Variants in SPATS2L observed in about 807,000 individuals in gnomAD.
SPATS2L encodes spermatogenesis associated serine rich 2 like.
In SPATS2L, 30 loss-of-function variants were observed where a neutral mutation model predicts 59.6. The observed-to-expected ratio is 0.50, with a 90% confidence interval of 0.38 to 0.68. SPATS2L has a LOEUF of 0.68. Ranked by LOEUF, SPATS2L falls within the 30% of genes least tolerant of loss-of-function variation. The pLI, the probability that SPATS2L is intolerant of heterozygous loss-of-function variation, is 0.00. For synonymous variants in SPATS2L, 252 were observed against 263.5 expected (o/e 0.96, Z 0.42); for missense variants, 615 against 700.0 (o/e 0.88, Z 1.37).
chr2:200,354,999 G>A (rs1259919549), intron 2 of SPATS2L, among the ~76,000 whole-genome samples: 1 of 151,952 alleles, frequency 6.6e-6, no homozygotes, highest in Non-Finnish European at 1.5e-5. Flanking sequence ...TTTAATTGTA[G>A]TAAAGTATGG....
chr2:200,401,390 C>G (rs1180261780), intron 3 of SPATS2L, among the ~76,000 whole-genome samples: 6 of 152,122 alleles, frequency 3.9e-5, no homozygotes, highest in Non-Finnish European at 8.8e-5. Flanking sequence ...GCAGTGGATA[C>G]CTGGGATGGA....
At chr2:200,451,152 C>G (rs149035971) in intron 8 of SPATS2L, among the ~76,000 whole-genome samples, 2 of 151,952 alleles carry the variant, frequency 1.3e-5, no homozygotes, top group East Asian at 3.9e-4. Flanking sequence ...AACCCTGTCT[C>G]TACCAAAAAA....
intron 8 of SPATS2L, among the ~76,000 whole-genome samples, chr2:200,451,319 C>G (rs1209395277): frequency 6.6e-6 from 1 of 151,850 alleles, no homozygotes; most frequent in Non-Finnish European, 1.5e-5. Flanking sequence ...AGAGCCAGAC[C>G]CTGTCTCAAA....
At chr2:200,430,542 A>G (rs183285549) in intron 6 of SPATS2L, among the ~76,000 whole-genome samples, 16 of 152,146 alleles carry the variant, frequency 1.1e-4, no homozygotes, top group African/African-American at 3.9e-4. Context: ...AAATGATATT[A>G]AACGGCCTGT....
intron 6 of SPATS2L, among the ~76,000 whole-genome samples, chr2:200,423,079 A>G (rs1394024177): frequency 2.0e-5 from 3 of 152,220 alleles, no homozygotes; most frequent in Non-Finnish European, 4.4e-5. Context: ...TGGGTAGGAC[A>G]GAGTGAGATG....
intron 2 of SPATS2L, among the ~76,000 whole-genome samples, chr2:200,360,074 A>G (rs1270848832): frequency 6.6e-6 from 1 of 152,132 alleles, no homozygotes; most frequent in Non-Finnish European, 1.5e-5. Flanking sequence ...ACAGAAGCAC[A>G]TGTTTAACCT....
intron 6 of SPATS2L, among the ~76,000 whole-genome samples, chr2:200,427,509 T>C (rs1163496343): frequency 1.3e-5 from 2 of 148,670 alleles, no homozygotes; most frequent in Non-Finnish European, 3.0e-5. Flanking sequence ...TGTATTATTA[T>C]ATATAATAAT....
chr2:200,337,649 A>T (rs2080185958), intron 2 of SPATS2L, among the ~76,000 whole-genome samples: 1 of 152,232 alleles, frequency 6.6e-6, no homozygotes. Context: ...GTTGAAAGGC[A>T]TGTGTGGCTT....
intron 11 of SPATS2L, among the ~76,000 whole-genome samples, chr2:200,470,399 T>C (rs549332947): frequency 4.6e-5 from 7 of 152,346 alleles, no homozygotes; most frequent in Non-Finnish European, 5.9e-5. Context: ...TCAGTTATTG[T>C]TGTGCAGGGC....
At position 200,329,416 on chromosome 2, in the gene SPATS2L, T is replaced by G. The variant is rs757554228; in HGVS notation, c.-72-15T>G. On this transcript the variant is annotated splice_polypyrimidine_tract_variant and intron_variant, in intron 1 of 12. Coordinates refer to ENST00000409140, the MANE Select transcript of SPATS2L (RefSeq NM_001100423.2). Reference sequence around the variant, plus strand: ...TTGAGACCTGCCTGACTTCCCAAATTTCCATTTTTCCTAGAGCTCTTCAGA... The same window carrying G: ...TTGAGACCTGCCTGACTTCCCAAATGTCCATTTTTCCTAGAGCTCTTCAGA... 6.5e-6 allele frequency: 10 copies of G among 1,550,234 alleles called. 1 individual carries two copies. The South Asian group carries it at 1.2e-4, about 18-fold the overall frequency.
intron 1 of SPATS2L, among the ~76,000 whole-genome samples, chr2:200,310,168 G>A (rs1264229521): frequency 6.6e-6 from 1 of 152,164 alleles, no homozygotes; most frequent in Non-Finnish European, 1.5e-5. Flanking sequence ...ATGGCCTGCT[G>A]TCAAGCTAAA....
chr2:200,375,168 A>G (rs1167721890), intron 2 of SPATS2L, among the ~76,000 whole-genome samples: 2 of 152,182 alleles, frequency 1.3e-5, no homozygotes, highest in East Asian at 1.9e-4. Flanking sequence ...CGTAAAGTGC[A>G]TGTAGGTGCC....
intron 10 of SPATS2L, among the ~76,000 whole-genome samples, chr2:200,468,519 C>T (rs1455068428): frequency 1.3e-5 from 2 of 152,194 alleles, no homozygotes; most frequent in African/African-American, 4.8e-5. Flanking sequence ...TTTTCAACTC[C>T]CTCCCTCCTG....
intron 4 of SPATS2L, among the ~76,000 whole-genome samples, chr2:200,412,992 G>T (rs944375732): frequency 6.6e-6 from 1 of 152,106 alleles, no homozygotes; most frequent in Non-Finnish European, 1.5e-5. Context: ...TGAGGCAGAG[G>T]TTGCACTGAG....
chr2:200,421,682 A>G (rs1299043001), intron 6 of SPATS2L, among the ~76,000 whole-genome samples: 1 of 152,214 alleles, frequency 6.6e-6, no homozygotes, highest in Non-Finnish European at 1.5e-5. Flanking sequence ...AACAACAAAA[A>G]TAACCTATTT....
intron 12 of SPATS2L, among the ~76,000 whole-genome samples, chr2:200,476,819 G>T (rs767633231): frequency 2.6e-5 from 4 of 152,238 alleles, no homozygotes; most frequent in African/African-American, 4.8e-5. Context: ...CTGAGCTCTT[G>T]TCCAGCATCC....
intron 5 of SPATS2L, 62 bp downstream of exon 5, chr2:200,416,490 C>A: frequency 2.0e-6 from 2 of 997,980 alleles, no homozygotes; most frequent in Non-Finnish European, 2.8e-6. Flanking sequence ...TGGTTGTTAT[C>A]ATTTTAACAA....
chr2:200,372,409 A>C (rs1403835231), intron 2 of SPATS2L, among the ~76,000 whole-genome samples: 1 of 152,046 alleles, frequency 6.6e-6, no homozygotes, highest in Non-Finnish European at 1.5e-5. Context: ...ACATAAGGAG[A>C]TAGTAAGTTA....
At chr2:200,474,438 CTGGGACTACAGGCACG>C (rs2087342806) in intron 12 of SPATS2L, among the ~76,000 whole-genome samples, 2 of 151,956 alleles carry the variant, frequency 1.3e-5, no homozygotes, top group Admixed American at 1.3e-4. Flanking sequence ...TGCAGGGTAG[CTGGGACTACAGGCACG>C]TGCCACCACG....
Sources: gnomAD v4.1 joint callset for allele counts (sites outside exome capture counted in the v4.1 genomes callset) on GRCh38, gnomAD v4.1.1 for gene constraint, MANE v1.5 for transcripts, NCBI Gene and HGNC (gene_info 2026-07-23, HGNC 2026-07-21) for gene names.